The following WDR72 variants were observed in gnomAD, a reference collection of about 807,000 sequenced individuals.
WDR72 encodes WD repeat domain 72.
Under a neutral mutation model 124.2 loss-of-function variants are expected in WDR72, and 120 were observed. That is an observed-to-expected ratio of 0.97 (90% confidence interval 0.83 to 1.12). WDR72 has a LOEUF of 1.12. Ranked by LOEUF, WDR72 falls within the 50% of genes most tolerant of loss-of-function variation. The pLI is 0.00. For missense variants in WDR72, 1,387 were observed against 1,278.8 expected (o/e 1.08, Z -1.29); for synonymous variants, 452 against 441.7 (o/e 1.02, Z -0.29).
intron 15 of WDR72, 106 bp downstream of exon 15, chr15:53,615,320 C>A: frequency 2.3e-6 from 2 of 874,236 alleles, no homozygotes; most frequent in Non-Finnish European, 3.5e-6. Flanking sequence ...TACTTACCCC[C>A]CACTGGAAAG....
chr15:53,683,645 A>T (rs2016481564), intron 13 of WDR72, among the ~76,000 whole-genome samples: 1 of 152,154 alleles, frequency 6.6e-6, no homozygotes, highest in African/African-American at 2.4e-5. Flanking sequence ...AATAGATTTT[A>T]AAAACACACA....
chr15:53,626,598 T>C (rs937258112), intron 14 of WDR72, among the ~76,000 whole-genome samples: 5 of 152,064 alleles, frequency 3.3e-5, no homozygotes, highest in African/African-American at 9.7e-5. Flanking sequence ...CCAAAGGGGG[T>C]TGCAGTTGCT....
chr15:53,585,099 T>G (rs2012130652), intron 18 of WDR72, among the ~76,000 whole-genome samples: 1 of 151,918 alleles, frequency 6.6e-6, no homozygotes, highest in Non-Finnish European at 1.5e-5. Context: ...ATATATAAGT[T>G]TTTAAATATT....
chr15:53,716,471 A>G, intron 4 of WDR72, 136 bp downstream of exon 4: 1 of 711,328 alleles, frequency 1.4e-6, no homozygotes, highest in South Asian at 1.5e-5. Context: ...ATTACTGGTG[A>G]TATTTGACCC....
upstream of WDR72, among the ~76,000 whole-genome samples, chr15:53,760,857 C>T (rs1451315066): frequency 6.6e-6 from 1 of 152,184 alleles, no homozygotes; most frequent in African/African-American, 2.4e-5. Context: ...GACACAATGG[C>T]TCACATTTGT....
chr15:53,559,610 G>C (rs1204412111), intron 18 of WDR72, among the ~76,000 whole-genome samples: 2 of 151,974 alleles, frequency 1.3e-5, no homozygotes, highest in Non-Finnish European at 2.9e-5. Flanking sequence ...AAGGTTTTGT[G>C]ATCCTGACTA....
Position 53,557,888 on chromosome 15 carries a change from A to C in WDR72, c.3149-34566T>G, listed in dbSNP as rs937260576. Among the ~76,000 whole-genome samples the C allele has an allele frequency of 8.5e-5, 13 of 152,088 alleles. 1 individual carries two copies. The highest frequency in any genetic ancestry group is 1.0e-4 in the Non-Finnish European group (7 of 67,980). ...TCAAAGTGGCTAGCCAGGATGACAC[A>C]GATTGAGGAGGTGAGATTCAAATGT... On this transcript the variant is annotated intron_variant, in intron 18 of 19. Transcript: ENST00000360509.
In WDR72 at chr15:53,603,999, C is replaced by T. The variant is rs975466596; in HGVS notation, c.2952+5514G>A. Among the ~76,000 whole-genome samples the T allele has an allele frequency of 2.0e-5, 3 of 152,004 alleles. No individual in the cohort carries two copies. In the South Asian group the frequency reaches 6.2e-4, roughly 32 times the overall value. ...AAACTATCTTAAAATTCATATGGAA[C>T]CAAAAAAGAGCCTGAATGGCCAGGG... On this transcript the variant is annotated intron_variant, in intron 17 of 19. Transcript: ENST00000360509.
chr15:53,759,341 T>G lies in WDR72; in HGVS notation c.-13+292A>C, dbSNP rs1309240619. Reference sequence around the variant, plus strand: ...CTCCTCCCAGGAGCATAGGTAGGGATACTGCGAGATGAGCGGCTTTGTTCA... The same window carrying G: ...CTCCTCCCAGGAGCATAGGTAGGGAGACTGCGAGATGAGCGGCTTTGTTCA... On this transcript the variant is annotated intron_variant, in intron 1 of 19. Transcript: ENST00000360509. 2.0e-5 allele frequency: 3 copies of G among 152,220 alleles called. No homozygotes were observed. In the East Asian group the frequency reaches 5.8e-4, roughly 29 times the overall value. The allele number at this position is 152,220 out of a possible 1,614,324, so 9.4% of individuals were successfully genotyped here.
intron 18 of WDR72, among the ~76,000 whole-genome samples, chr15:53,533,436 TC>T (rs35754394): frequency 0.17 from 26,059 of 151,964 alleles, 2,570 homozygotes; most frequent in Middle Eastern, 0.24. Flanking sequence ...ATTTTAATTA[TC>T]CAATAATAGG....
At chr15:53,699,994 TTA>T in intron 12 of WDR72, 49 bp from the exon 13 acceptor site, 1 of 1,609,934 alleles carries the variant, frequency 6.2e-7, no homozygotes. Context: ...AATGCTTTCT[TTA>T]TGAGTAAGTC....
chr15:53,629,509 GAGAA>G (rs1017927466), intron 14 of WDR72, among the ~76,000 whole-genome samples: 20 of 151,806 alleles, frequency 1.3e-4, no homozygotes, highest in African/African-American at 4.1e-4. Flanking sequence ...ATGAATAAAA[GAGAA>G]AGAAAGTTTT....
chr15:53,714,064 C>T (rs2017632296), intron 6 of WDR72, among the ~76,000 whole-genome samples: 1 of 152,130 alleles, frequency 6.6e-6, no homozygotes. Context: ...ACATGCCCCT[C>T]AAGTTTTTAG....
At chr15:53,536,421 T>A (rs369517371) in intron 18 of WDR72, among the ~76,000 whole-genome samples, 20 of 151,952 alleles carry the variant, frequency 1.3e-4, no homozygotes, top group African/African-American at 4.4e-4. Context: ...CTTCAACTTA[T>A]TTTTTTTACT....
At chr15:53,567,301 A>G (rs1894336662) in intron 18 of WDR72, among the ~76,000 whole-genome samples, 1 of 151,944 alleles carries the variant, frequency 6.6e-6, no homozygotes, top group Non-Finnish European at 1.5e-5. Context: ...AACTGCCTAG[A>G]CTGTGTAATA....
intron 2 of WDR72, among the ~76,000 whole-genome samples, chr15:53,730,016 G>C (rs1235497287): frequency 6.6e-6 from 1 of 152,150 alleles, no homozygotes; most frequent in Non-Finnish European, 1.5e-5. Context: ...CCACTTCTCA[G>C]TATGTACCCA....
chr15:53,646,506 G>C (rs2015046954), intron 14 of WDR72, among the ~76,000 whole-genome samples: 1 of 152,002 alleles, frequency 6.6e-6, no homozygotes, highest in Admixed American at 6.6e-5. Context: ...GATAGAAAAA[G>C]AAAAGAAATA....
intron 18 of WDR72, among the ~76,000 whole-genome samples, chr15:53,561,078 A>G (rs1212955094): frequency 6.8e-6 from 1 of 146,516 alleles, no homozygotes; most frequent in East Asian, 2.0e-4. Flanking sequence ...GAGTTGTATT[A>G]TTTGATTTTG....
At chr15:53,741,280 G>T (rs957638967) in intron 1 of WDR72, among the ~76,000 whole-genome samples, 3 of 152,176 alleles carry the variant, frequency 2.0e-5, no homozygotes, top group Admixed American at 6.5e-5. Flanking sequence ...CATTTCACAG[G>T]TTAAAAACCT....
Sources: gnomAD v4.1 joint callset for allele counts (sites outside exome capture counted in the v4.1 genomes callset) on GRCh38, gnomAD v4.1.1 for gene constraint, MANE v1.5 for transcripts, NCBI Gene and HGNC (gene_info 2026-07-23, HGNC 2026-07-21) for gene names.